BMPR1B: variants seen among roughly 807,000 people sequenced by gnomAD.
BMPR1B encodes the protein bone morphogenetic protein receptor type-1B.
Under a neutral mutation model 59.1 loss-of-function variants are expected in BMPR1B, and 12 were observed. The ratio of observed to expected loss-of-function variants is 0.20; its 90% CI spans 0.13 to 0.33. The LOEUF is 0.33. BMPR1B is among the 10% of genes least tolerant of loss of function. The pLI is 1.00. For synonymous variants in BMPR1B, 237 were observed against 207.3 expected (o/e 1.14, Z -1.23); for missense variants, 550 against 610.9 (o/e 0.90, Z 1.05).
At chr4:94,800,447 ATTTTTT>A (rs71583665) in intron 1 of BMPR1B, among the ~76,000 whole-genome samples, 1 of 120,104 alleles carries the variant, frequency 8.3e-6, no homozygotes, top group Non-Finnish European at 1.7e-5. Flanking sequence ...GGTCTTTACT[ATTTTTT>A]TTTTTTTTTT....
chr4:95,129,129 T>C (rs748355161), intron 8 of BMPR1B, among the ~76,000 whole-genome samples: 1 of 152,330 alleles, frequency 6.6e-6, no homozygotes, highest in Non-Finnish European at 1.5e-5. Flanking sequence ...AGTCACGGCA[T>C]GAAAAGTATT....
chr4:94,816,301 C>T lies in BMPR1B; in HGVS notation c.-183+58233C>T, dbSNP rs373238137. Reference sequence around the variant, plus strand: ...ACCTGGGACTGCAGGTGCACGCCACCAGGCCCGGCTAGTTTTCTTTTCTTT... The same window carrying T: ...ACCTGGGACTGCAGGTGCACGCCACTAGGCCCGGCTAGTTTTCTTTTCTTT... On this transcript the variant is annotated intron_variant, in intron 1 of 12. Coordinates refer to ENST00000515059, the MANE Select transcript of BMPR1B (RefSeq NM_001203.3). 1.1e-3 allele frequency among the ~76,000 whole-genome samples: 160 copies of T among 152,240 alleles called. 4 individuals are homozygous for T. In the South Asian group the frequency reaches 0.032, roughly 31 times the overall value.
chr4:95,091,081 C>T (rs1047875341), intron 3 of BMPR1B, among the ~76,000 whole-genome samples: 6 of 151,884 alleles, frequency 4.0e-5, no homozygotes, highest in African/African-American at 1.5e-4. Context: ...ATTGAAATAG[C>T]ATTCTGAATG....
intron 1 of BMPR1B, among the ~76,000 whole-genome samples, chr4:94,768,803 A>C (rs924290280): frequency 1.3e-5 from 2 of 152,174 alleles, no homozygotes; most frequent in African/African-American, 4.8e-5. Flanking sequence ...TTTCACTTAA[A>C]ATGTTTTGTG....
intron 1 of BMPR1B, among the ~76,000 whole-genome samples, chr4:94,853,072 G>C (rs1193893332): frequency 6.6e-6 from 1 of 152,112 alleles, no homozygotes; most frequent in African/African-American, 2.4e-5. Flanking sequence ...AGACTCCGGG[G>C]ACCTGCAAAC....
chr4:95,088,772 T>C (rs1729772806), intron 3 of BMPR1B, among the ~76,000 whole-genome samples: 1 of 151,932 alleles, frequency 6.6e-6, no homozygotes, highest in Admixed American at 6.6e-5. Context: ...GGCCATTAAG[T>C]TTTTTCTTTA....
chr4:94,786,003 C>T (rs1722750997), intron 1 of BMPR1B, among the ~76,000 whole-genome samples: 2 of 152,336 alleles, frequency 1.3e-5, no homozygotes, highest in South Asian at 4.1e-4. Context: ...TCATCACTCA[C>T]TACTTCTAGG....
intron 2 of BMPR1B, among the ~76,000 whole-genome samples, chr4:94,949,348 C>T (rs1400624501): frequency 2.0e-5 from 1 of 50,534 alleles, no homozygotes; most frequent in East Asian, 2.8e-4. Context: ...CTCGCTCTGT[C>T]GCCCAGGCCG....
intron 2 of BMPR1B, among the ~76,000 whole-genome samples, chr4:94,989,827 G>A (rs1721629933): frequency 6.6e-6 from 1 of 152,040 alleles, no homozygotes; most frequent in African/African-American, 2.4e-5. Context: ...CATATTTTAA[G>A]CTTTATTTGG....
chr4:95,150,467 AAAAC>A (rs1189180250), intron 11 of BMPR1B, among the ~76,000 whole-genome samples: 1 of 152,014 alleles, frequency 6.6e-6, no homozygotes, highest in Non-Finnish European at 1.5e-5. Context: ...AAAAAAAAAA[AAAAC>A]AAGTAGACGA....
chr4:94,995,764 G>A (rs3775041), intron 2 of BMPR1B: 78,401 of 152,078 alleles, frequency 0.52, 20,902 homozygotes, highest in South Asian at 0.65. Flanking sequence ...GCAAGCACAG[G>A]GTTGCTGGGT....
intron 3 of BMPR1B, among the ~76,000 whole-genome samples, chr4:95,035,009 A>G (rs1399505112): frequency 6.6e-6 from 1 of 151,968 alleles, no homozygotes; most frequent in Non-Finnish European, 1.5e-5. Context: ...TGTGGTTTTA[A>G]TTTGCATTTC....
chr4:95,012,680 C>G (rs1440950540), intron 3 of BMPR1B, among the ~76,000 whole-genome samples: 1 of 152,090 alleles, frequency 6.6e-6, no homozygotes, highest in Non-Finnish European at 1.5e-5. Flanking sequence ...CATAAACAAA[C>G]TAAAATTAAT....
intron 8 of BMPR1B, among the ~76,000 whole-genome samples, chr4:95,129,612 A>G (rs1269428679): frequency 6.6e-6 from 1 of 152,186 alleles, no homozygotes; most frequent in Non-Finnish European, 1.5e-5. Flanking sequence ...AGAAAATAAT[A>G]ATACTAAAAT....
chr4:94,840,129 C>T (rs1281382331), intron 1 of BMPR1B, among the ~76,000 whole-genome samples: 5 of 149,974 alleles, frequency 3.3e-5, no homozygotes, highest in Non-Finnish European at 7.4e-5. Context: ...GCTGAGAGAT[C>T]AGGTGTTAGT....
In BMPR1B at chr4:94,771,427, C is replaced by A. The variant is rs185570012; in HGVS notation, c.-183+13359C>A. On this transcript the variant is annotated intron_variant, in intron 1 of 12. Transcript: ENST00000515059. ...CTGGTGGTTCATGAGCTTGAAAGAC[C>A]CCTGAGGCAAGGAGACATGTGTGAC... 2.8e-4 allele frequency among the ~76,000 whole-genome samples: 42 copies of A among 152,074 alleles called. No homozygotes were observed. The East Asian group carries it at 7.7e-3, about 28-fold the overall frequency.
chr4:95,016,300 G>C (rs986840817), intron 3 of BMPR1B, among the ~76,000 whole-genome samples: 6 of 152,010 alleles, frequency 3.9e-5, no homozygotes, highest in African/African-American at 1.4e-4. Flanking sequence ...GTTACCATTT[G>C]AAAGTTCTGC....
At position 95,125,079 on chromosome 4, in the gene BMPR1B, G is replaced by A. The variant is rs1303429227; in HGVS notation, c.543G>A (p.Glu181=). The change falls in exon 8 of 13, where the codon GAG becomes GAA. Residue 181 remains glutamate (E), a synonymous_variant. Transcript: ENST00000515059. Reference sequence around the variant, plus strand: ...GAGAATCCCTGAGAGACTTAATTGAGCAGTCTCAGAGCTCAGGAAGTGGAT... The same window carrying A: ...GAGAATCCCTGAGAGACTTAATTGAACAGTCTCAGAGCTCAGGAAGTGGAT... ...PPGESLRDLI[E]QSQSSGSGSG... 37 of 1,613,692 alleles carry A rather than the reference G, an allele frequency of 2.3e-5. No individual in the cohort carries two copies. Among genetic ancestry groups the A allele is most frequent in the Middle Eastern group, 1.6e-4 (1 of 6,082 alleles).
chr4:94,787,428 A>G lies in BMPR1B; in HGVS notation c.-183+29360A>G, dbSNP rs191016366. Among the ~76,000 whole-genome samples, 153 of 152,302 alleles carry G rather than the reference A, an allele frequency of 1.0e-3. 1 individual carries two copies. In the East Asian group the frequency reaches 0.029, roughly 29 times the overall value. ...GCAGGTTATAAGGCCCTCATGTGACAGGTACCCTCCCTGTATCCAGAGGAA... is the reference window on the plus strand; with the variant it reads ...GCAGGTTATAAGGCCCTCATGTGACGGGTACCCTCCCTGTATCCAGAGGAA... On this transcript the variant is annotated intron_variant, in intron 1 of 12. Coordinates refer to ENST00000515059, the MANE Select transcript of BMPR1B (RefSeq NM_001203.3).
Sources: allele counts gnomAD v4.1 joint callset (sites outside exome capture counted in the v4.1 genomes callset), GRCh38; gene constraint gnomAD v4.1.1; transcripts MANE v1.5; gene names NCBI Gene and HGNC (gene_info 2026-07-23, HGNC 2026-07-21).